ZNF141: variants seen among roughly 807,000 people sequenced by gnomAD.
ZNF141 encodes the protein zinc finger protein 141.
In ZNF141, 7 loss-of-function variants were observed where a neutral mutation model predicts 11.3. That is an observed-to-expected ratio of 0.62 (90% CI 0.35 to 1.16). The LOEUF is 1.16. ZNF141 is among the 50% of genes most tolerant of loss of function. The probability of loss-of-function intolerance (pLI) is 0.02; values close to 1 mark genes in which losing one functional copy is unlikely to be tolerated. For synonymous variants in ZNF141, 183 were observed against 190.7 expected (o/e 0.96, Z 0.33); for missense variants, 535 against 554.0 (o/e 0.97, Z 0.34).
chr4:348,641 A>G (rs1721450386), intron 3 of ZNF141, among the ~76,000 whole-genome samples: 1 of 151,766 alleles, frequency 6.6e-6, no homozygotes, highest in Non-Finnish European at 1.5e-5. Flanking sequence ...CTTGAACCCA[A>G]GAGGCAGAGG....
intron 3 of ZNF141, among the ~76,000 whole-genome samples, chr4:345,062 C>T (rs34483255): frequency 0.43 from 65,839 of 151,958 alleles, 14,863 homozygotes; most frequent in African/African-American, 0.57. Context: ...ATTTGTGTTA[C>T]TGAGGAGCTG....
chr4:357,441 C>G (rs1277231268), intron 3 of ZNF141, among the ~76,000 whole-genome samples: 16 of 150,738 alleles, frequency 1.1e-4, no homozygotes, highest in African/African-American at 2.9e-4. Context: ...AAAAGAATCT[C>G]TCTTTGTCTT....
Position 374,408 on chromosome 4 carries a change from C to A in ZNF141, c.*546C>A. 2.8e-6 allele frequency: 1 copy of A among 351,162 alleles called. No individual in the cohort carries two copies. Among genetic ancestry groups the A allele is most frequent in the Non-Finnish European group, 5.8e-6 (1 of 173,472 alleles). The allele number at this position is 351,162 out of a possible 1,614,324, so 21.8% of individuals were successfully genotyped here. On this transcript the variant is annotated 3_prime_UTR_variant, in exon 4 of 4. Transcript: ENST00000240499. ...AATGTGGCACAGTCTTTACCACATCCTCAAACTTTGTTAAACATAAGAGAA... is the reference window on the plus strand; with the variant it reads ...AATGTGGCACAGTCTTTACCACATCATCAAACTTTGTTAAACATAAGAGAA...
rs1486762871 is a variant in ZNF141 at position 375,032 on chromosome 4, A to C, written c.*1170A>C. On this transcript the variant is annotated 3_prime_UTR_variant, in exon 4 of 4. Transcript: ENST00000240499. ...AAGAAATCCCCTGGAAATGCAAAAA[A>C]TGTGGCAGGATTTTTACCAATGCTC... 15 of 152,174 alleles carry C rather than the reference A, an allele frequency of 9.9e-5. No homozygotes were observed. Among genetic ancestry groups the C allele is most frequent in the Admixed American group, 6.5e-5 (1 of 15,272 alleles). The allele number at this position is 152,174 out of a possible 1,614,324, so 9.4% of individuals were successfully genotyped here.
At chr4:344,889 A>G (rs563657703) in intron 3 of ZNF141, among the ~76,000 whole-genome samples, 1 of 152,320 alleles carries the variant, frequency 6.6e-6, no homozygotes, top group Admixed American at 6.5e-5. Flanking sequence ...TCTCATGTTC[A>G]CAAATAGGGG....
intron 3 of ZNF141, among the ~76,000 whole-genome samples, chr4:351,376 G>T (rs1285237370): frequency 6.6e-6 from 1 of 151,930 alleles, no homozygotes; most frequent in African/African-American, 2.4e-5. Context: ...TGGGACTACA[G>T]GTGCCTGCCA....
chr4:347,676 A>G (rs1297911694), intron 3 of ZNF141, among the ~76,000 whole-genome samples: 1 of 151,408 alleles, frequency 6.6e-6, no homozygotes, highest in Non-Finnish European at 1.5e-5. Context: ...GTATTTTTGT[A>G]AGTTTATCAA....
In ZNF141 at chr4:369,735, G is replaced by GATATATATATATATATATATAT. The variant is rs1300540336; in HGVS notation, c.227-2928_227-2927insTATATATATATATATATATATA. ...TGGGAATTCTGAAAAATTTCTTAAA[G>GATATATATATATATATATATAT]AGATATATATATATATATATATATA... On this transcript the variant is annotated intron_variant, in intron 3 of 3. Coordinates refer to ENST00000240499, the MANE Select transcript of ZNF141 (RefSeq NM_003441.4). 2.5e-4 allele frequency among the ~76,000 whole-genome samples: 4 copies of GATATATATATATATATATATAT among 16,148 alleles called. 1 individual carries two copies. Among genetic ancestry groups the GATATATATATATATATATATAT allele is most frequent in the Non-Finnish European group, 3.4e-4 (3 of 8,822 alleles). 10.6% of individuals were successfully genotyped at this position (16,148 alleles called of 152,430 possible).
chr4:344,219 G>T (rs1441421141), intron 2 of ZNF141, 116 bp from the exon 3 acceptor site: 4 of 1,042,072 alleles, frequency 3.8e-6, no homozygotes, highest in East Asian at 2.8e-5. Context: ...AACAATTTTT[G>T]GATTAATTTT....
chr4:376,904 T>G lies in ZNF141; in HGVS notation c.*3042T>G, dbSNP rs59609789. 0.023 allele frequency among the ~76,000 whole-genome samples: 3,547 copies of G among 152,258 alleles called. 136 individuals carry two copies. The highest frequency in any genetic ancestry group is 0.08 in the African/African-American group (3,313 of 41,572). ...CCCCATACAAACTCCTTGTTTTTAT[T>G]TGTCTGGTGCTCATGCTAGAGCTAT... On this transcript the variant is annotated 3_prime_UTR_variant, in exon 4 of 4. Transcript: ENST00000240499.
At chr4:357,854 C>T (rs1015248163) in intron 3 of ZNF141, among the ~76,000 whole-genome samples, 1 of 151,552 alleles carries the variant, frequency 6.6e-6, no homozygotes, top group Admixed American at 6.6e-5. Context: ...TATAGGCGCG[C>T]GCCACCACGC....
intron 3 of ZNF141, among the ~76,000 whole-genome samples, chr4:344,827 G>T (rs1284028746): frequency 6.6e-6 from 1 of 152,088 alleles, no homozygotes; most frequent in Non-Finnish European, 1.5e-5. Flanking sequence ...AAACCAGGTA[G>T]TTTGGGAAGC....
rs1349302002 is a variant in ZNF141 at position 379,331 on chromosome 4, G to C, written c.*5469G>C. On this transcript the variant is annotated 3_prime_UTR_variant, in exon 4 of 4. Transcript: ENST00000240499. ...TTGTCTTGTATTATATATTGTTCTGGGTCTAAGCCATGCTAGTAAATATTA... is the reference window on the plus strand; with the variant it reads ...TTGTCTTGTATTATATATTGTTCTGCGTCTAAGCCATGCTAGTAAATATTA... Among the ~76,000 whole-genome samples the C allele has an allele frequency of 6.6e-6, 1 of 151,934 alleles. No individual in the cohort carries two copies. The highest frequency in any genetic ancestry group is 1.5e-5 in the Non-Finnish European group (1 of 67,972).
Position 373,856 on chromosome 4 carries a change from T to A in ZNF141, c.1419T>A (p.His473Gln). 6.3e-7 allele frequency: 1 copy of A among 1,599,778 alleles called. No individual in the cohort carries two copies. Among genetic ancestry groups the A allele is most frequent in the South Asian group, 1.1e-5 (1 of 89,352 alleles). The change falls in exon 4 of 4, where the codon CAT becomes CAA. Residue 473 changes from histidine to glutamine, a missense_variant. Transcript: ENST00000240499. Reference sequence around the variant, plus strand: ...ACCTGAATAAACATAAGAAAATTCATACTTGAGAGAAATCCTACAAATGTA... The same window carrying A: ...ACCTGAATAAACATAAGAAAATTCAAACTTGAGAGAAATCCTACAAATGTA... ...FSHLNKHKKI[H>Q]T
rs781959941 is a variant in ZNF141, at chr4:372,724, A to C, written c.287A>C (p.His96Pro). ...GTGCAGGGCATAGAAGATTCATTCC[A>C]CAAACTTATACTGAGAAGATATGAG... The part of the protein sequence containing the change: ...WPVQGIEDSF[H>P]KLILRRYEKC... Residue 96 changes from histidine to proline, a missense_variant, in exon 4 of 4, where the codon CAC (histidine) becomes CCC (proline). By Grantham distance (77) the His-to-Pro change is moderately conservative (BLOSUM62 -2). Transcript: ENST00000240499. 9.3e-6 allele frequency: 15 copies of C among 1,609,052 alleles called. No individual in the cohort carries two copies. The East Asian group carries it at 3.3e-4, about 36-fold the overall frequency.
At chr4:342,596 TA>T (rs1288621379) in intron 1 of ZNF141, among the ~76,000 whole-genome samples, 2 of 152,152 alleles carry the variant, frequency 1.3e-5, no homozygotes, top group East Asian at 3.9e-4. Context: ...CAATATCAAA[TA>T]ATGTATATGT....
chr4:373,747 T>A lies in ZNF141; in HGVS notation c.1310T>A (p.Leu437His). 1 of 1,613,846 alleles carries A rather than the reference T, an allele frequency of 6.2e-7. No homozygotes were observed. The highest frequency in any genetic ancestry group is 8.5e-7 in the Non-Finnish European group (1 of 1,179,938). The change falls in exon 4 of 4, where the codon CTC becomes CAC. Residue 437 changes from leucine (L) to histidine (H), a missense_variant. Coordinates refer to ENST00000240499, the MANE Select transcript of ZNF141 (RefSeq NM_003441.4). Reference sequence around the variant, plus strand: ...GACAAAGCCTTTAAACAATTTTCGCTCCTGAGTCAACATAAGAAAATTCAT... The same window carrying A: ...GACAAAGCCTTTAAACAATTTTCGCACCTGAGTCAACATAAGAAAATTCAT... ...ECDKAFKQFS[L>H]LSQHKKIHTV...
intron 3 of ZNF141, among the ~76,000 whole-genome samples, chr4:347,485 G>A (rs189418044): frequency 1.1e-4 from 17 of 150,574 alleles, no homozygotes; most frequent in Admixed American, 9.3e-4. Context: ...GACTACAGGC[G>A]CCTTCCACCA....
At chr4:338,138 G>T (rs1720879587) in intron 1 of ZNF141, 152 bp downstream of exon 1, 9 of 976,224 alleles carry the variant, frequency 9.2e-6, no homozygotes, top group Non-Finnish European at 1.2e-5. Flanking sequence ...CTGGGCTCCT[G>T]TCGGTCCCCG....
Sources: allele counts gnomAD v4.1 joint callset (sites outside exome capture counted in the v4.1 genomes callset), GRCh38; gene constraint gnomAD v4.1.1; transcripts MANE v1.5; gene names NCBI Gene and HGNC (gene_info 2026-07-23, HGNC 2026-07-21).